Variants in FER observed in about 807,000 individuals in gnomAD.
FER encodes FER tyrosine kinase, also known as tyrosine-protein kinase Fer.
FER carries 63 observed loss-of-function variants against 111.0 expected under a neutral mutation model. That is an observed-to-expected ratio of 0.57 (90% CI 0.46 to 0.70). FER has a LOEUF of 0.70. Among genes scored for constraint, FER ranks in the 30% least tolerant of loss-of-function variants. The pLI, the probability that FER is intolerant of heterozygous loss-of-function variation, is 0.00. For synonymous variants in FER, 327 were observed against 313.9 expected (o/e 1.04, Z -0.44); for missense variants, 914 against 954.0 (o/e 0.96, Z 0.55).
At chr5:108,759,356 A>G (rs1282386758) in intron 1 of FER, among the ~76,000 whole-genome samples, 2 of 152,180 alleles carry the variant, frequency 1.3e-5, no homozygotes, top group Non-Finnish European at 2.9e-5. Flanking sequence ...TACTGTTCAT[A>G]TGTCTACCAA....
intron 17 of FER, among the ~76,000 whole-genome samples, chr5:109,115,715 C>T (rs1309793307): frequency 6.6e-6 from 1 of 151,964 alleles, no homozygotes; most frequent in East Asian, 1.9e-4. Flanking sequence ...TCAGAAAAAT[C>T]AGAATTTTCA....
Position 108,785,201 on chromosome 5 carries a change from A to C in FER, c.-59-12923A>C, listed in dbSNP as rs971936811. ...CACAGGTTATCTGAACACTGTGACTATGTCTCCAAATGGATCCCTCTGTGC... is the reference window on the plus strand; with the variant it reads ...CACAGGTTATCTGAACACTGTGACTCTGTCTCCAAATGGATCCCTCTGTGC... On this transcript the variant is annotated intron_variant, in intron 2 of 19. Coordinates refer to ENST00000281092, the MANE Select transcript of FER (RefSeq NM_005246.4). 5.2e-5 allele frequency: 31 copies of C among 598,104 alleles called. 1 individual carries two copies. In the South Asian group the frequency reaches 5.6e-4, roughly 11 times the overall value. 37.0% of individuals were successfully genotyped at this position (598,104 alleles called of 1,614,324 possible).
At chr5:109,026,898 C>G (rs1430065271) in intron 13 of FER, among the ~76,000 whole-genome samples, 2 of 152,084 alleles carry the variant, frequency 1.3e-5, no homozygotes, top group Non-Finnish European at 2.9e-5. Flanking sequence ...CCAGGCTGGT[C>G]TCAAATTCCT....
chr5:109,099,382 A>C (rs540184133), intron 16 of FER, among the ~76,000 whole-genome samples: 3 of 151,562 alleles, frequency 2.0e-5, no homozygotes, highest in African/African-American at 7.2e-5. Context: ...TTAAATTAAA[A>C]TACTGATATT....
rs34850507 is a variant in FER, at chr5:108,854,946, C to CAAA, written c.482-12797_482-12795dup. Among the ~76,000 whole-genome samples the CAAA allele has an allele frequency of 1.4e-3, 52 of 36,658 alleles. 6 individuals are homozygous for CAAA. Among genetic ancestry groups the CAAA allele is most frequent in the Non-Finnish European group, 1.9e-3 (37 of 19,772 alleles). The allele number at this position is 36,658 out of a possible 152,430, so 24.0% of individuals were successfully genotyped here. On this transcript the variant is annotated intron_variant, in intron 5 of 19. Coordinates refer to ENST00000281092, the MANE Select transcript of FER (RefSeq NM_005246.4). ...CTGACAGAGCAGCAAGACCCTGTCT[C>CAAA]AAAAAAAAAAAAAAAAAAAAAAAAA...
At chr5:108,885,552 T>G (rs1746992938) in intron 9 of FER, among the ~76,000 whole-genome samples, 1 of 151,898 alleles carries the variant, frequency 6.6e-6, no homozygotes, top group Admixed American at 6.6e-5. Context: ...TGGGTTCTTG[T>G]GAGGACTCTT....
intron 5 of FER, among the ~76,000 whole-genome samples, chr5:108,860,608 CAT>C (rs112916255): frequency 4.6e-5 from 7 of 152,138 alleles, no homozygotes; most frequent in East Asian, 1.9e-4. Flanking sequence ...GTGAAAAAAA[CAT>C]GTGTATACAT....
intron 12 of FER, among the ~76,000 whole-genome samples, chr5:108,957,656 G>C (rs994415115): frequency 7.9e-5 from 12 of 151,518 alleles, no homozygotes; most frequent in African/African-American, 2.9e-4. Flanking sequence ...GTACTCCCAT[G>C]CTTATTGCAG....
intron 10 of FER, among the ~76,000 whole-genome samples, chr5:108,934,727 A>G (rs1755209203): frequency 6.6e-6 from 1 of 152,136 alleles, no homozygotes; most frequent in South Asian, 2.1e-4. Flanking sequence ...TGACCTTGCT[A>G]CTGCTGAGCT....
intron 13 of FER, among the ~76,000 whole-genome samples, chr5:108,996,951 G>A (rs1011524314): frequency 2.0e-5 from 3 of 152,094 alleles, no homozygotes. Flanking sequence ...ACAGTGGTTT[G>A]TAGTTCTCCT....
chr5:109,129,414 TG>T (rs1015722597), intron 17 of FER, among the ~76,000 whole-genome samples: 3 of 152,032 alleles, frequency 2.0e-5, no homozygotes, highest in African/African-American at 7.2e-5. Flanking sequence ...AATCCTAAAA[TG>T]GTATATTGAA....
chr5:108,958,174 C>A (rs1758678688), intron 12 of FER, among the ~76,000 whole-genome samples: 1 of 151,690 alleles, frequency 6.6e-6, no homozygotes. Context: ...AATTTTGATA[C>A]ATTCAATCTT....
At chr5:109,063,746 G>C (rs1210647861) in intron 16 of FER, among the ~76,000 whole-genome samples, 1 of 152,172 alleles carries the variant, frequency 6.6e-6, no homozygotes, top group Admixed American at 6.5e-5. Context: ...ATACTGTGGA[G>C]TTTATTATTT....
chr5:108,791,575 GAT>G (rs58660662), intron 2 of FER, among the ~76,000 whole-genome samples: 10 of 147,504 alleles, frequency 6.8e-5, no homozygotes, highest in African/African-American at 1.2e-4. Context: ...ACATATATAT[GAT>G]ATATATATAT....
intron 16 of FER, among the ~76,000 whole-genome samples, chr5:109,073,552 A>G (rs575481445): frequency 6.6e-6 from 1 of 152,288 alleles, no homozygotes; most frequent in South Asian, 2.1e-4. Context: ...ACCATTATAT[A>G]AATATCTAAT....
At chr5:108,896,521 C>CTTACTCA (rs1749125873) in intron 9 of FER, among the ~76,000 whole-genome samples, 2 of 152,040 alleles carry the variant, frequency 1.3e-5, no homozygotes, top group African/African-American at 4.8e-5. Flanking sequence ...CACAAATGTT[C>CTTACTCA]TTACTCATTA....
chr5:108,814,597 T>C (rs73780585), intron 3 of FER, among the ~76,000 whole-genome samples: 3,293 of 152,330 alleles, frequency 0.022, 113 homozygotes, highest in African/African-American at 0.076. Context: ...GGAATGCTTC[T>C]GTTCTCAAGA....
intron 1 of FER, among the ~76,000 whole-genome samples, chr5:108,759,766 A>G (rs1438285681): frequency 6.6e-6 from 1 of 152,200 alleles, no homozygotes. Flanking sequence ...GCATTAATCC[A>G]TTCATGAGGA....
In FER at chr5:108,832,872, A is replaced by T; in HGVS notation, c.310A>T (p.Ile104Phe). Residue 104 changes from isoleucine (I) to phenylalanine (F), a missense_variant, in exon 4 of 20, where the codon ATT (isoleucine) becomes TTT (phenylalanine). Transcript: ENST00000281092. ...SGPLHRLTMM[I>F]KDKQQVKKSY... Reference sequence around the variant, plus strand: ...ACCTTTACACAGGCTCACCATGATGATTAAGGACAAGCAGCAGGTGAAGAA... The same window carrying T: ...ACCTTTACACAGGCTCACCATGATGTTTAAGGACAAGCAGCAGGTGAAGAA... 1 of 1,608,398 alleles carries T rather than the reference A, an allele frequency of 6.2e-7. No individual in the cohort carries two copies. The highest frequency in any genetic ancestry group is 8.5e-7 in the Non-Finnish European group (1 of 1,176,660).
Sources: allele counts gnomAD v4.1 joint callset (sites outside exome capture counted in the v4.1 genomes callset), GRCh38; gene constraint gnomAD v4.1.1; transcripts MANE v1.5; gene names NCBI Gene and HGNC (gene_info 2026-07-23, HGNC 2026-07-21).